PCP4: variants seen among roughly 807,000 people sequenced by gnomAD.
The protein encoded by PCP4 is Purkinje cell protein 4, also known as calmodulin regulator protein PCP4.
In PCP4, 8 loss-of-function variants were observed where a neutral mutation model predicts 10.0. The observed-to-expected ratio is 0.80, with a 90% confidence interval of 0.47 to 1.45. PCP4 has a LOEUF of 1.45. Ranked by LOEUF, PCP4 falls within the 40% of genes most tolerant of loss-of-function variation. PCP4 has a pLI of 0.00. For missense variants in PCP4, 54 were observed against 74.4 expected (o/e 0.73, Z 1.01); for synonymous variants, 21 against 23.0 (o/e 0.91, Z 0.24).
chr21:39,900,216 G>A (rs183557523), intron 2 of PCP4, among the ~76,000 whole-genome samples: 5 of 152,124 alleles, frequency 3.3e-5, no homozygotes, highest in East Asian at 1.9e-4. Context: ...TGTATTTTTA[G>A]TAGAGACAGG....
At chr21:39,903,913 A>T (rs1159150811) in intron 2 of PCP4, among the ~76,000 whole-genome samples, 1 of 148,104 alleles carries the variant, frequency 6.8e-6, no homozygotes, top group Non-Finnish European at 1.5e-5. Flanking sequence ...GTTTGATTTG[A>T]TATGATTATA....
intron 1 of PCP4, among the ~76,000 whole-genome samples, chr21:39,876,753 G>C (rs1360005811): frequency 6.6e-6 from 1 of 152,190 alleles, no homozygotes; most frequent in Non-Finnish European, 1.5e-5. Context: ...TCTTTACCAT[G>C]AGTGTTTGTG....
chr21:39,923,609 G>T (rs1012433407), intron 2 of PCP4, among the ~76,000 whole-genome samples: 2 of 152,220 alleles, frequency 1.3e-5, no homozygotes, highest in African/African-American at 4.8e-5. Flanking sequence ...GAGAGTGGGC[G>T]TGGCCAAAGT....
intron 1 of PCP4, among the ~76,000 whole-genome samples, chr21:39,868,008 A>G: frequency 6.6e-6 from 1 of 152,184 alleles, no homozygotes; most frequent in Non-Finnish European, 1.5e-5. Flanking sequence ...CAGGGAAAGA[A>G]ATGCAAAAAG....
At chr21:39,891,878 C>T (rs564758564) in intron 1 of PCP4, among the ~76,000 whole-genome samples, 13 of 152,356 alleles carry the variant, frequency 8.5e-5, no homozygotes, top group African/African-American at 2.4e-4. Context: ...CTATCTACTA[C>T]GAACTTCAAA....
intron 1 of PCP4, among the ~76,000 whole-genome samples, chr21:39,883,203 G>A (rs2087384246): frequency 1.3e-5 from 2 of 152,184 alleles, no homozygotes; most frequent in South Asian, 2.1e-4. Flanking sequence ...GCATCCTACA[G>A]ATCCATGGGG....
At chr21:39,915,099 T>C (rs1413359799) in intron 2 of PCP4, among the ~76,000 whole-genome samples, 2 of 152,110 alleles carry the variant, frequency 1.3e-5, no homozygotes, top group Non-Finnish European at 2.9e-5. Context: ...CTACACAGTT[T>C]CCACAACTGC....
chr21:39,925,478 A>C (rs1320099555), intron 2 of PCP4, among the ~76,000 whole-genome samples: 1 of 152,238 alleles, frequency 6.6e-6, no homozygotes. Flanking sequence ...TGTTGGAACA[A>C]GGCGGACAAA....
intron 2 of PCP4, chr21:39,926,023 T>C: frequency 2.2e-6 from 1 of 456,200 alleles, no homozygotes; most frequent in Non-Finnish European, 4.4e-6. Flanking sequence ...CCGAGTCTAA[T>C]TGGTTGTCCC....
intron 2 of PCP4, among the ~76,000 whole-genome samples, chr21:39,918,446 G>T (rs1323104669): frequency 6.6e-6 from 1 of 152,132 alleles, no homozygotes; most frequent in Non-Finnish European, 1.5e-5. Context: ...ACCAAATTAG[G>T]CTTTGTATTA....
At chr21:39,928,466 A>C (rs17754199) in intron 2 of PCP4, among the ~76,000 whole-genome samples, 1 of 152,194 alleles carries the variant, frequency 6.6e-6, no homozygotes, top group Non-Finnish European at 1.5e-5. Flanking sequence ...CGAACTGTGA[A>C]GGTCAAATGG....
chr21:39,917,720 G>T (rs1159490244), intron 2 of PCP4, among the ~76,000 whole-genome samples: 2 of 152,090 alleles, frequency 1.3e-5, no homozygotes, highest in African/African-American at 4.8e-5. Flanking sequence ...CTCTCTGATT[G>T]TCTCCATTTT....
chr21:39,901,022 A>T (rs1396475804), intron 2 of PCP4, among the ~76,000 whole-genome samples: 1 of 152,224 alleles, frequency 6.6e-6, no homozygotes, highest in Non-Finnish European at 1.5e-5. Flanking sequence ...ATGGAAAAGG[A>T]TATTTAGTAA....
intron 1 of PCP4, among the ~76,000 whole-genome samples, chr21:39,889,236 T>C (rs2146332316): frequency 6.6e-6 from 1 of 152,124 alleles, no homozygotes; most frequent in East Asian, 1.9e-4. Flanking sequence ...GCAAGTCTAC[T>C]GGGGAGATGG....
chr21:39,896,569 CAGAT>C (rs1305549292), intron 1 of PCP4, among the ~76,000 whole-genome samples: 1 of 152,176 alleles, frequency 6.6e-6, no homozygotes, highest in Admixed American at 6.5e-5. Flanking sequence ...TACATTGACT[CAGAT>C]GGAAGGTGAA....
At chr21:39,926,588 A>G (rs139969695) in intron 2 of PCP4, among the ~76,000 whole-genome samples, 1 of 152,174 alleles carries the variant, frequency 6.6e-6, no homozygotes. Context: ...AAACCATCTT[A>G]TGAAAAATGA....
chr21:39,898,571 T>C (rs1317817829), intron 2 of PCP4, 44 bp downstream of exon 2: 3 of 1,498,624 alleles, frequency 2.0e-6, no homozygotes, highest in Admixed American at 1.7e-5. Flanking sequence ...TTTTGCCATC[T>C]GCAGCCCTGG....
intron 1 of PCP4, among the ~76,000 whole-genome samples, chr21:39,893,730 T>C (rs2087444435): frequency 6.6e-6 from 1 of 152,242 alleles, no homozygotes; most frequent in Non-Finnish European, 1.5e-5. Flanking sequence ...AATATGTCTT[T>C]TGTTTGAAAG....
At chr21:39,875,518 C>T (rs924558129) in intron 1 of PCP4, among the ~76,000 whole-genome samples, 2 of 152,180 alleles carry the variant, frequency 1.3e-5, no homozygotes, top group Admixed American at 6.5e-5. Flanking sequence ...AACTTCAAAC[C>T]ATTATGCCAT....
Sources: gnomAD v4.1 joint callset for allele counts (sites outside exome capture counted in the v4.1 genomes callset) on GRCh38, gnomAD v4.1.1 for gene constraint, MANE v1.5 for transcripts, NCBI Gene and HGNC (gene_info 2026-07-23, HGNC 2026-07-21) for gene names.